PCDHGA4: variants seen among roughly 807,000 people sequenced by gnomAD.
The protein encoded by PCDHGA4 is protocadherin gamma subfamily A, 4, also known as protocadherin gamma-A4.
Under a neutral mutation model 54.6 loss-of-function variants are expected in PCDHGA4, and 38 were observed. That is an observed-to-expected ratio of 0.70 (90% CI 0.54 to 0.91). PCDHGA4 has a LOEUF of 0.91. Ranked by LOEUF, PCDHGA4 falls within the 40% of genes least tolerant of loss-of-function variation. PCDHGA4 has a pLI of 0.00. For missense variants in PCDHGA4, 1,298 were observed against 1,220.9 expected, an observed-to-expected ratio of 1.06 and a Z score of -0.94; for synonymous variants, 511 against 512.9, an observed-to-expected ratio of 1.00 and a Z score of 0.05.
intron 1 of PCDHGA4, chr5:141,367,368 TCTA>T (rs1266563786): frequency 1.3e-5 from 2 of 151,884 alleles, no homozygotes; most frequent in Non-Finnish European, 2.9e-5. Flanking sequence ...GAAACCCTGT[TCTA>T]CTAAAAATAC....
intron 1 of PCDHGA4, chr5:141,371,868 G>A (rs755178809): frequency 2.5e-6 from 4 of 1,613,510 alleles, no homozygotes; most frequent in Non-Finnish European, 3.4e-6. Context: ...CTACTACATC[G>A]TGGCCAGTGA....
chr5:141,418,434 C>T, intron 1 of PCDHGA4: 5 of 1,613,944 alleles, frequency 3.1e-6, no homozygotes, highest in Non-Finnish European at 4.2e-6. Context: ...GGCAAATATC[C>T]AGAATTAGTA....
chr5:141,476,098 G>A lies in PCDHGA4; in HGVS notation c.2515-18709G>A, dbSNP rs1241353656. The A allele has an allele frequency of 4.5e-6, 7 of 1,573,026 alleles. No homozygotes were observed. Among genetic ancestry groups the A allele is most frequent in the Non-Finnish European group, 6.0e-6 (7 of 1,163,102 alleles). ...AGGGACGATCTGGACCCCGCTGAGA[G>A]GAACTGCTTTTGAGTGAGATGGTCC... On this transcript the variant is annotated intron_variant, in intron 1 of 3. Transcript: ENST00000571252. This position sits in a 1 kb window ranked among gnomAD's most constrained non-coding sequence, Gnocchi z 7.6.
chr5:141,442,457 T>G (rs1209684998), intron 1 of PCDHGA4: 1 of 152,268 alleles, frequency 6.6e-6, no homozygotes, highest in African/African-American at 2.4e-5. Context: ...AATAGCAGTT[T>G]CACTGCAGAA....
intron 1 of PCDHGA4, chr5:141,413,388 C>G (rs765673305): frequency 6.2e-7 from 1 of 1,613,894 alleles, no homozygotes; most frequent in African/African-American, 1.3e-5. Context: ...TCCGCATAGT[C>G]TCCAGAGGTA....
chr5:141,389,048 T>C, intron 1 of PCDHGA4: 1 of 1,613,976 alleles, frequency 6.2e-7, no homozygotes, highest in East Asian at 2.2e-5. Context: ...AAGGTGATGT[T>C]CCATTTAAAA....
chr5:141,469,731 C>T (rs1332201791), intron 1 of PCDHGA4, among the ~76,000 whole-genome samples: 1 of 152,214 alleles, frequency 6.6e-6, no homozygotes, highest in Non-Finnish European at 1.5e-5. Context: ...ATCATAAATA[C>T]ACACCTCAAA....
chr5:141,404,739 G>A, intron 1 of PCDHGA4: 1 of 1,614,092 alleles, frequency 6.2e-7, no homozygotes, highest in Non-Finnish European at 8.5e-7. Flanking sequence ...GCAGTGGACA[G>A]AGACTCAGGC....
At chr5:141,453,287 A>ATTT (rs2098760771) in intron 1 of PCDHGA4, among the ~76,000 whole-genome samples, 3 of 151,368 alleles carry the variant, frequency 2.0e-5, no homozygotes, top group African/African-American at 7.3e-5. Flanking sequence ...CTAATTTTTT[A>ATTT]ATTATTTATT....
chr5:141,435,409 G>A (rs1387678336), intron 1 of PCDHGA4, among the ~76,000 whole-genome samples: 1 of 152,066 alleles, frequency 6.6e-6, no homozygotes, highest in African/African-American at 2.4e-5. Context: ...AAATGGTAAA[G>A]ACTATTTTTC....
At chr5:141,389,933 G>A (rs774443122) in intron 1 of PCDHGA4, 7 of 1,614,068 alleles carry the variant, frequency 4.3e-6, no homozygotes, top group Non-Finnish European at 5.9e-6. Context: ...CTGACCTCCA[G>A]GCTGAGCTGC....
rs540471918 is a variant in PCDHGA4 at position 141,433,283 on chromosome 5, T to C, written c.2515-61524T>C. ...ATCATAGCTCACTGCAGCCTCAAAC[T>C]CCTAGGCTCAAGCAATTATCCCACC... On this transcript the variant is annotated intron_variant, in intron 1 of 3. Coordinates refer to ENST00000571252, the MANE Select transcript of PCDHGA4 (RefSeq NM_018917.4). The C allele has an allele frequency of 4.2e-5, 50 of 1,183,074 alleles. No homozygotes were observed. In the Admixed American group the frequency reaches 7.9e-4, roughly 19 times the overall value. 73.3% of individuals were successfully genotyped at this position (1,183,074 alleles called of 1,614,324 possible).
Position 141,490,732 on chromosome 5 carries a change from G to T in PCDHGA4, c.2515-4075G>T, listed in dbSNP as rs775388969. 4 of 1,614,188 alleles carry T rather than the reference G, an allele frequency of 2.5e-6. No individual in the cohort carries two copies. Among genetic ancestry groups the T allele is most frequent in the Non-Finnish European group, 3.4e-6 (4 of 1,180,042 alleles). ...CACCTACTCCATTGTAGGAAATCAGGTTCAGGGAGCCCCAGCCTCCTCCTT... is the reference window on the plus strand; with the variant it reads ...CACCTACTCCATTGTAGGAAATCAGTTTCAGGGAGCCCCAGCCTCCTCCTT... On this transcript the variant is annotated intron_variant, in intron 1 of 3. Transcript: ENST00000571252. The surrounding 1 kb of genome is among the most constrained non-coding windows in gnomAD (Gnocchi z 5.4).
At chr5:141,414,098 C>A in intron 1 of PCDHGA4, 1 of 1,594,212 alleles carries the variant, frequency 6.3e-7, no homozygotes, top group Non-Finnish European at 8.5e-7. Flanking sequence ...ATAAAAATAT[C>A]AGAAAATCTA....
At position 141,360,554 on chromosome 5, in the gene PCDHGA4, T is replaced by C. The variant is rs779397375; in HGVS notation, c.2514+2933T>C. ...CTATTCAAACAGACTAAGATTAATT[T>C]AAAAATTGGCGAATCCACTAAGCCA... is the stretch of plus-strand genomic sequence containing the variant. On this transcript the variant is annotated intron_variant, in intron 1 of 3. Transcript: ENST00000571252. 1.9e-6 allele frequency: 3 copies of C among 1,613,978 alleles called. No individual in the cohort carries two copies. The East Asian group carries it at 6.7e-5, about 36-fold the overall frequency.
chr5:141,404,630 C>T (rs1391155615), intron 1 of PCDHGA4: 1 of 1,614,154 alleles, frequency 6.2e-7, no homozygotes, highest in Admixed American at 1.7e-5. Flanking sequence ...TGACAATGCC[C>T]CAGAAATCCT....
At chr5:141,394,557 G>T in intron 1 of PCDHGA4, 1 of 1,614,082 alleles carries the variant, frequency 6.2e-7, no homozygotes, top group South Asian at 1.1e-5. Context: ...GCCCCGCTCC[G>T]CAGAGCGTGG....
chr5:141,423,760 G>GT, intron 1 of PCDHGA4: 1 of 279,664 alleles, frequency 3.6e-6, no homozygotes, highest in Non-Finnish European at 5.3e-6. Flanking sequence ...TGGGGGGGGG[G>GT]TGGGGCGGCA....
At chr5:141,370,537 G>C (rs1484817452) in intron 1 of PCDHGA4, 1 of 1,613,924 alleles carries the variant, frequency 6.2e-7, no homozygotes. Context: ...TCGCTGGTAG[G>C]GAACCTCGCC....
Sources: gnomAD v4.1 joint callset for allele counts (sites outside exome capture counted in the v4.1 genomes callset) on GRCh38, gnomAD v4.1.1 for gene constraint, Gnocchi (gnomAD v3.1) non-coding constraint, MANE v1.5 for transcripts, NCBI Gene and HGNC (gene_info 2026-07-23, HGNC 2026-07-21) for gene names.